SYNCRIP: variants seen among roughly 807,000 people sequenced by gnomAD.
SYNCRIP encodes the protein heterogeneous nuclear ribonucleoprotein Q.
In SYNCRIP, 9 loss-of-function variants were observed where a neutral mutation model predicts 68.9. That is an observed-to-expected ratio of 0.13 (90% CI 0.08 to 0.23). The LOEUF (loss-of-function observed/expected upper bound fraction) is 0.23, where lower values mean the gene tolerates loss of function less well. SYNCRIP is among the 10% of genes least tolerant of loss of function. SYNCRIP has a pLI of 1.00. For synonymous variants in SYNCRIP, 258 were observed against 254.0 expected (o/e 1.02, Z -0.15); for missense variants, 414 against 770.6 (o/e 0.54, Z 5.48).
downstream of SYNCRIP, chr6:85,612,633 G>A (rs1014455423): frequency 3.0e-6 from 1 of 337,818 alleles, no homozygotes; most frequent in Non-Finnish European, 5.4e-6. Context: ...AAGGATTTCT[G>A]TTGGAACACA....
Position 85,631,373 on chromosome 6 carries a change from G to A in SYNCRIP, c.666+5594C>T, listed in dbSNP as rs578083247. Among the ~76,000 whole-genome samples, 38 of 148,238 alleles carry A rather than the reference G, an allele frequency of 2.6e-4. No homozygotes were observed. The East Asian group carries it at 4.4e-3, about 17-fold the overall frequency. Reference sequence around the variant, plus strand: ...AAAAAAAAGGCCATGGCTTAAAGAAGGCGAAACATGGCTAAAAGGGTAATT... The same window carrying A: ...AAAAAAAAGGCCATGGCTTAAAGAAAGCGAAACATGGCTAAAAGGGTAATT... On this transcript the variant is annotated intron_variant, in intron 6 of 10. Coordinates refer to ENST00000369622, the MANE Select transcript of SYNCRIP (RefSeq NM_006372.5).
At chr6:85,617,063 C>T (rs941704381) in intron 10 of SYNCRIP, among the ~76,000 whole-genome samples, 6 of 152,142 alleles carry the variant, frequency 3.9e-5, no homozygotes, top group Non-Finnish European at 7.4e-5. Flanking sequence ...TCCAACTCCA[C>T]TACTTACTAT....
chr6:85,618,770 A>T (rs1169597936), intron 10 of SYNCRIP, 48 bp downstream of exon 10: 1 of 1,472,798 alleles, frequency 6.8e-7, no homozygotes, highest in African/African-American at 1.4e-5. Flanking sequence ...CAATTAGTGT[A>T]TAAATATTAA....
chr6:85,637,715 T>C (rs556661644), intron 4 of SYNCRIP, among the ~76,000 whole-genome samples: 1 of 152,214 alleles, frequency 6.6e-6, no homozygotes, highest in Non-Finnish European at 1.5e-5. Flanking sequence ...TGGTTGAGCA[T>C]CTTTCAAATC....
chr6:85,641,538 C>A (rs983009023), intron 1 of SYNCRIP, 87 bp from the exon 2 acceptor site: 2 of 1,323,906 alleles, frequency 1.5e-6, no homozygotes, highest in Non-Finnish European at 2.1e-6. Context: ...CTTTCTCTAC[C>A]ATTTACTACA....
intron 7 of SYNCRIP, among the ~76,000 whole-genome samples, chr6:85,623,160 T>C (rs1414673462): frequency 6.6e-6 from 1 of 152,214 alleles, no homozygotes; most frequent in Non-Finnish European, 1.5e-5. Flanking sequence ...GATAACAGGC[T>C]GATAATTTGT....
Position 85,615,347 on chromosome 6 carries a change from C to G in SYNCRIP, c.1281G>C (p.Met427Ile). Residue 427 changes from methionine to isoleucine, a missense_variant and splice_region_variant, in exon 11 of 11, where the codon ATG becomes ATC. Physicochemically the swap from Met to Ile is conservative, Grantham distance 10 (BLOSUM62 1). Coordinates refer to ENST00000369622, the MANE Select transcript of SYNCRIP (RefSeq NM_006372.5). ...GACCATAATAGTAGTAATCGTCATA[C>G]CTATTAAAAAAGAGACAGAGATTAG... is the stretch of plus-strand genomic sequence containing the variant. ...KAQRQAAKNQ[M>I]YDDYYYYGPP... 1 of 1,469,210 alleles carries G rather than the reference C, an allele frequency of 6.8e-7. No individual in the cohort carries two copies. The highest frequency in any genetic ancestry group is 9.0e-7 in the Non-Finnish European group (1 of 1,105,214). 91.0% of individuals were successfully genotyped at this position (1,469,210 alleles called of 1,614,324 possible).
chr6:85,609,681 A>G (rs2128273425), downstream of SYNCRIP: 1 of 152,088 alleles, frequency 6.6e-6, no homozygotes, highest in Middle Eastern at 3.4e-3. Flanking sequence ...CTTTCTGAAA[A>G]CTGATAACCT....
rs776105763 is a variant in SYNCRIP at position 85,618,907 on chromosome 6, C to G, written c.1191G>C (p.Glu397Asp). 1 of 1,612,690 alleles carries G rather than the reference C, an allele frequency of 6.2e-7. No homozygotes were observed. Among genetic ancestry groups the G allele is most frequent in the East Asian group, 2.2e-5 (1 of 44,766 alleles). Residue 397 changes from glutamate to aspartate, a missense_variant, in exon 10 of 11, where the codon GAG (glutamate) becomes GAC (aspartate). By Grantham distance (45) the Glu-to-Asp change is conservative. This residue lies in a region of SYNCRIP where 51 missense variants were observed against 151.1 expected (regional missense o/e 0.34). Transcript: ENST00000369622. Reference sequence around the variant, plus strand: ...CAAAAACAATTTCAATATTTTCTCCCTCCAAGTCTTTGCCATTCATTTCTT... The same window carrying G: ...CAAAAACAATTTCAATATTTTCTCCGTCCAAGTCTTTGCCATTCATTTCTT... ...AMEEMNGKDL[E>D]GENIEIVFAK... is the part of the protein sequence containing the mutation.
In SYNCRIP at chr6:85,637,268, C is replaced by A; in HGVS notation, c.464G>T (p.Gly155Val). ...CTCAGTGCCAACAGAAGGCTGCTGA[C>A]CTGAATAAACGGAATCTGGAGGTGG... ...GGPPPDSVYS[G>V]QQPSVGTEIF... The change falls in exon 5 of 11, where the codon GGT becomes GTT. Residue 155 changes from glycine (G) to valine (V), a missense_variant. Around this residue, in one of 6 missense-constraint regions of SYNCRIP, gnomAD observed 110 missense variants for 269.3 expected, o/e 0.41. Transcript: ENST00000369622. The A allele has an allele frequency of 1.2e-6, 2 of 1,614,154 alleles. No individual in the cohort carries two copies. Among genetic ancestry groups the A allele is most frequent in the East Asian group, 2.2e-5 (1 of 44,884 alleles).
intron 8 of SYNCRIP, 31 bp downstream of exon 8, chr6:85,622,451 C>A: frequency 6.2e-7 from 1 of 1,604,126 alleles, no homozygotes. Flanking sequence ...ATTAATCCCT[C>A]AAAAAATATT....
At chr6:85,632,058 T>C (rs1487235601) in intron 6 of SYNCRIP, among the ~76,000 whole-genome samples, 2 of 152,332 alleles carry the variant, frequency 1.3e-5, no homozygotes, top group East Asian at 1.9e-4. Context: ...ATCAGGGTCA[T>C]TTAAGAAACT....
chr6:85,636,297 T>TA (rs1326028305), intron 6 of SYNCRIP, among the ~76,000 whole-genome samples: 1 of 151,838 alleles, frequency 6.6e-6, no homozygotes, highest in East Asian at 1.9e-4. Flanking sequence ...ATATAAAAAT[T>TA]AGCCTGAGCG....
intron 1 of SYNCRIP, 66 bp from the exon 2 acceptor site, chr6:85,641,517 C>G (rs1340107969): frequency 2.0e-6 from 3 of 1,484,148 alleles, no homozygotes; most frequent in African/African-American, 2.8e-5. Context: ...AATATGAGAG[C>G]CCCATCTTTA....
chr6:85,638,804 C>A (rs1419180217), intron 4 of SYNCRIP, among the ~76,000 whole-genome samples: 1 of 152,134 alleles, frequency 6.6e-6, no homozygotes, highest in African/African-American at 2.4e-5. Context: ...TAGTTAAGAC[C>A]CAAATAACAC....
intron 10 of SYNCRIP, among the ~76,000 whole-genome samples, 158 bp from the exon 11 acceptor site, chr6:85,615,505 G>C (rs977142313): frequency 5.3e-5 from 8 of 152,186 alleles, no homozygotes; most frequent in African/African-American, 1.9e-4. Context: ...TTTAGTAGTA[G>C]TAATGATCAG....
chr6:85,618,297 T>C (rs1259928155), intron 10 of SYNCRIP, among the ~76,000 whole-genome samples: 1 of 151,626 alleles, frequency 6.6e-6, no homozygotes, highest in Non-Finnish European at 1.5e-5. Context: ...TCCCAGCACT[T>C]TGGGAGGCAG....
In SYNCRIP at chr6:85,616,990, G is replaced by C. The variant is rs574227941; in HGVS notation, c.1281-1643C>G. On this transcript the variant is annotated intron_variant, in intron 10 of 10. Transcript: ENST00000369622. ...CCCAAAATGTCAGGAGGACAGAGATGAGAAATCCTGGTATAGTGGTTAAGA... is the reference window on the plus strand; with the variant it reads ...CCCAAAATGTCAGGAGGACAGAGATCAGAAATCCTGGTATAGTGGTTAAGA... Among the ~76,000 whole-genome samples, 159 of 152,246 alleles carry C rather than the reference G, an allele frequency of 1.0e-3. 5 individuals are homozygous for C. In the South Asian group the frequency reaches 0.033, roughly 31 times the overall value.
intron 6 of SYNCRIP, among the ~76,000 whole-genome samples, chr6:85,626,351 A>C (rs1467072805): frequency 1.3e-5 from 2 of 152,184 alleles, no homozygotes; most frequent in Non-Finnish European, 2.9e-5. Flanking sequence ...GCAATCAGTA[A>C]TTCTAGTAAT....
Sources: gnomAD v4.1 joint callset for allele counts (sites outside exome capture counted in the v4.1 genomes callset) on GRCh38, gnomAD v4.1.1 for gene constraint, gnomAD v4.1.1 regional missense constraint, MANE v1.5 for transcripts, NCBI Gene and HGNC (gene_info 2026-07-23, HGNC 2026-07-21) for gene names.